CAPN13: variants seen among roughly 807,000 people sequenced by gnomAD.
CAPN13 encodes the protein calpain-13.
Under a neutral mutation model 98.4 loss-of-function variants are expected in CAPN13, and 90 were observed. That is an observed-to-expected ratio of 0.92 (90% CI 0.77 to 1.09). The LOEUF is 1.09. Ranked by LOEUF, CAPN13 falls within the 50% of genes least tolerant of loss-of-function variation. The pLI is 0.00. For synonymous variants in CAPN13, 330 were observed against 305.5 expected, an observed-to-expected ratio of 1.08 and a Z score of -0.84; for missense variants, 887 against 841.3, an observed-to-expected ratio of 1.05 and a Z score of -0.67.
Position 30,743,763 on chromosome 2 carries a change from A to C in CAPN13, c.1249-184T>G, listed in dbSNP as rs915257208. The C allele has an allele frequency of 2.4e-5, 17 of 701,272 alleles. No individual in the cohort carries two copies. In the East Asian group the frequency reaches 4.1e-4, roughly 17 times the overall value. 43.4% of individuals were successfully genotyped at this position (701,272 alleles called of 1,614,324 possible). A position where few individuals can be genotyped will look rare whatever the true frequency, so the allele number is the denominator to read the frequency against. On this transcript the variant is annotated intron_variant, in intron 12 of 22. Coordinates refer to ENST00000295055, the MANE Select transcript of CAPN13 (RefSeq NM_144575.3). ...GCAGTAGTGTTTAGCCTGTCATTTC[A>C]TCTAGACCCTGGACACAATGGATGC...
Position 30,743,447 on chromosome 2 carries a change from G to C in CAPN13, c.1381C>G (p.Gln461Glu). The C allele has an allele frequency of 6.2e-7, 1 of 1,613,986 alleles. No individual in the cohort carries two copies. Among genetic ancestry groups the C allele is most frequent in the Non-Finnish European group, 8.5e-7 (1 of 1,179,868 alleles). The change falls in exon 13 of 23, where the codon CAG (glutamine) becomes GAG (glutamate). Residue 461 changes from glutamine (Q) to glutamate (E), a missense_variant. Transcript: ENST00000295055. ...AACTCCGCTGATTTTCTCCGTGTCTGTGCAACCACAACATAGTTCCCAGGG... is the reference window on the plus strand; with the variant it reads ...AACTCCGCTGATTTTCTCCGTGTCTCTGCAACCACAACATAGTTCCCAGGG... ...LSPGNYVVVA[Q>E]TRRKSAEFLL...
chr2:30,755,842 T>C (rs1672415745), intron 8 of CAPN13, among the ~76,000 whole-genome samples: 1 of 152,174 alleles, frequency 6.6e-6, no homozygotes, highest in Non-Finnish European at 1.5e-5. Context: ...AGAATAAATG[T>C]AGTGTAGATC....
intron 1 of CAPN13, among the ~76,000 whole-genome samples, chr2:30,803,556 CT>C (rs1675422003): frequency 6.6e-6 from 1 of 152,184 alleles, no homozygotes; most frequent in African/African-American, 2.4e-5. Flanking sequence ...TCCCTTGGGA[CT>C]TACTTGGCCG....
chr2:30,744,199 A>G (rs534721546), intron 12 of CAPN13, among the ~76,000 whole-genome samples: 2 of 152,354 alleles, frequency 1.3e-5, no homozygotes, highest in African/African-American at 4.8e-5. Flanking sequence ...TCCCCACTAT[A>G]GTCAAGCATA....
chr2:30,776,254 T>C (rs1377797641), intron 3 of CAPN13, among the ~76,000 whole-genome samples: 1 of 152,174 alleles, frequency 6.6e-6, no homozygotes, highest in African/African-American at 2.4e-5. Flanking sequence ...GTGGTGTTCA[T>C]GGAGTCTCGC....
At chr2:30,766,561 G>A (rs1673121998) in intron 5 of CAPN13, among the ~76,000 whole-genome samples, 1 of 152,196 alleles carries the variant, frequency 6.6e-6, no homozygotes, top group Non-Finnish European at 1.5e-5. Context: ...AGAAAGGAGA[G>A]AGAGAGAGAA....
At chr2:30,732,041 T>A (rs1671124671) in intron 20 of CAPN13, among the ~76,000 whole-genome samples, 1 of 152,142 alleles carries the variant, frequency 6.6e-6, no homozygotes, top group Admixed American at 6.5e-5. Context: ...ACAGTTGGAT[T>A]TCTGAAGCCT....
chr2:30,741,591 G>T (rs1671658871), intron 15 of CAPN13: 3 of 1,107,724 alleles, frequency 2.7e-6, no homozygotes, highest in Non-Finnish European at 3.3e-6. Flanking sequence ...AGAAGGAAAG[G>T]TTTCACGGGG....
At chr2:30,805,940 C>A (rs1448057182) in intron 1 of CAPN13, among the ~76,000 whole-genome samples, 1 of 151,694 alleles carries the variant, frequency 6.6e-6, no homozygotes, top group Non-Finnish European at 1.5e-5. Flanking sequence ...TTCCCAGACC[C>A]CCAATTTTTA....
chr2:30,745,894 A>ACT (rs1671884259), intron 11 of CAPN13, among the ~76,000 whole-genome samples, 160 bp from the exon 12 acceptor site: 2 of 92,790 alleles, frequency 2.2e-5, no homozygotes, highest in Admixed American at 2.9e-4. Flanking sequence ...GCCATAAAGC[A>ACT]TTTTTTTTTT....
intron 1 of CAPN13, among the ~76,000 whole-genome samples, chr2:30,804,825 A>G (rs1372230576): frequency 6.6e-6 from 1 of 152,144 alleles, no homozygotes; most frequent in Non-Finnish European, 1.5e-5. Flanking sequence ...TTGAGGAGAG[A>G]TGGAATGGAC....
intron 18 of CAPN13, 126 bp downstream of exon 18, chr2:30,736,377 C>G: frequency 1.1e-6 from 1 of 915,234 alleles, no homozygotes; most frequent in East Asian, 2.5e-5. Flanking sequence ...GTGAGCTCTC[C>G]TTGAGGGCAG....
At chr2:30,792,560 C>T (rs973918641) in intron 1 of CAPN13, among the ~76,000 whole-genome samples, 21 of 152,040 alleles carry the variant, frequency 1.4e-4, no homozygotes, top group Non-Finnish European at 7.4e-5. Context: ...ATTGAATTTA[C>T]TATCCAAAGC....
chr2:30,754,771 C>G (rs1672361749), intron 8 of CAPN13, among the ~76,000 whole-genome samples: 1 of 152,134 alleles, frequency 6.6e-6, no homozygotes, highest in Non-Finnish European at 1.5e-5. Context: ...TCTTACACCC[C>G]TCTCAAAGCC....
At chr2:30,790,859 G>A (rs1227481459) in intron 1 of CAPN13, among the ~76,000 whole-genome samples, 1 of 152,226 alleles carries the variant, frequency 6.6e-6, no homozygotes, top group Non-Finnish European at 1.5e-5. Flanking sequence ...AGAGATCAGA[G>A]TGCCAGTATG....
intron 20 of CAPN13, 84 bp downstream of exon 20, chr2:30,732,354 G>A: frequency 6.4e-7 from 1 of 1,561,456 alleles, no homozygotes. Context: ...ACGCAGACCT[G>A]GGGTGGGGTA....
At chr2:30,784,257 G>T (rs1180104820) in intron 2 of CAPN13, among the ~76,000 whole-genome samples, 2 of 152,062 alleles carry the variant, frequency 1.3e-5, no homozygotes, top group Non-Finnish European at 2.9e-5. Context: ...TTCAGCCCCT[G>T]ACCCACATTT....
chr2:30,769,584 C>T (rs1572847923), intron 5 of CAPN13, among the ~76,000 whole-genome samples: 1 of 152,200 alleles, frequency 6.6e-6, no homozygotes, highest in Admixed American at 6.5e-5. Context: ...GCATCTGTCC[C>T]AGTGCCAAGC....
intron 1 of CAPN13, among the ~76,000 whole-genome samples, chr2:30,789,003 A>C (rs1191573989): frequency 6.6e-6 from 1 of 152,240 alleles, no homozygotes; most frequent in Admixed American, 6.5e-5. Flanking sequence ...AGAAATGGTT[A>C]AATACAAACA....
Sources: allele counts gnomAD v4.1 joint callset (sites outside exome capture counted in the v4.1 genomes callset), GRCh38; gene constraint gnomAD v4.1.1; transcripts MANE v1.5; gene names NCBI Gene and HGNC (gene_info 2026-07-23, HGNC 2026-07-21).